Variants in TTC28 observed in about 807,000 individuals in gnomAD.
TTC28 encodes tetratricopeptide repeat protein 28.
A neutral mutation model predicts 198.0 loss-of-function variants in TTC28; 61 were observed. That is an observed-to-expected ratio of 0.31 (90% CI 0.25 to 0.38). The LOEUF is 0.38. TTC28 is among the 10% of genes least tolerant of loss of function. The pLI is 1.00. For synonymous variants in TTC28, 1,171 were observed against 1,297.8 expected (o/e 0.90, Z 2.10); for missense variants, 2,678 against 3,164.0 (o/e 0.85, Z 3.69).
chr22:28,156,135 C>T lies in TTC28; in HGVS notation c.1441+6957G>A, dbSNP rs913071942. ...AATAATGACATCCCCTGCAATGTGT[C>T]TATGTCCTAATCTCCAGAACCTGTG... On this transcript the variant is annotated intron_variant, in intron 6 of 22. Coordinates refer to ENST00000397906, the MANE Select transcript of TTC28 (RefSeq NM_001145418.2). Among the ~76,000 whole-genome samples, 8 of 152,212 alleles carry T rather than the reference C, an allele frequency of 5.3e-5. No homozygotes were observed. The East Asian group carries it at 1.5e-3, about 29-fold the overall frequency.
intron 2 of TTC28, among the ~76,000 whole-genome samples, chr22:28,365,885 T>TA (rs910139307): frequency 1.3e-5 from 2 of 152,116 alleles, no homozygotes; most frequent in Admixed American, 6.6e-5. Flanking sequence ...ATAGGAATTT[T>TA]AAAAAAATGA....
At chr22:28,013,595 A>C (rs1037878667) in intron 14 of TTC28, among the ~76,000 whole-genome samples, 2 of 152,202 alleles carry the variant, frequency 1.3e-5, no homozygotes, top group African/African-American at 4.8e-5. Flanking sequence ...TGATTCTCTG[A>C]GACTCCATCT....
At chr22:28,272,712 G>A (rs913286085) in intron 5 of TTC28, among the ~76,000 whole-genome samples, 2 of 152,202 alleles carry the variant, frequency 1.3e-5, no homozygotes, top group African/African-American at 4.8e-5. Context: ...TATTTGGGAT[G>A]GAAGGGACCA....
chr22:28,552,077 A>C (rs1325496025), intron 2 of TTC28, among the ~76,000 whole-genome samples: 1 of 152,182 alleles, frequency 6.6e-6, no homozygotes, highest in Non-Finnish European at 1.5e-5. Flanking sequence ...TCTGCTATAC[A>C]CCAATAGCAA....
At chr22:28,343,821 A>T (rs2045868843) in intron 2 of TTC28, among the ~76,000 whole-genome samples, 1 of 152,238 alleles carries the variant, frequency 6.6e-6, no homozygotes. Flanking sequence ...CCTATTTTTT[A>T]AAATTACATG....
chr22:28,449,449 T>C (rs909821095), intron 2 of TTC28, among the ~76,000 whole-genome samples: 2 of 152,258 alleles, frequency 1.3e-5, no homozygotes, highest in African/African-American at 2.4e-5. Flanking sequence ...TAACATTTTT[T>C]ATTTCATTCA....
chr22:28,271,243 T>G (rs1413073386), intron 5 of TTC28, among the ~76,000 whole-genome samples: 1 of 151,814 alleles, frequency 6.6e-6, no homozygotes, highest in East Asian at 1.9e-4. Context: ...AGCAAGACAA[T>G]ATTCCTTGGG....
At chr22:28,315,899 T>A (rs147857111) in intron 2 of TTC28, among the ~76,000 whole-genome samples, 250 of 152,208 alleles carry the variant, frequency 1.6e-3, no homozygotes, top group African/African-American at 5.5e-3. Context: ...GTTTCATAAG[T>A]GAAAGAAGAA....
At chr22:28,176,847 A>C (rs1180767557) in intron 5 of TTC28, among the ~76,000 whole-genome samples, 1 of 152,314 alleles carries the variant, frequency 6.6e-6, no homozygotes, top group Middle Eastern at 3.4e-3. Flanking sequence ...ACTAGACATC[A>C]CATACAAAAA....
At chr22:28,389,790 C>A (rs887739445) in intron 2 of TTC28, among the ~76,000 whole-genome samples, 25 of 149,548 alleles carry the variant, frequency 1.7e-4, no homozygotes, top group African/African-American at 5.4e-4. Flanking sequence ...TTTCAAAAAA[C>A]CAGCTCCTGG....
intron 2 of TTC28, among the ~76,000 whole-genome samples, chr22:28,464,683 G>A (rs980453223): frequency 1.3e-5 from 2 of 151,950 alleles, no homozygotes; most frequent in Non-Finnish European, 1.5e-5. Flanking sequence ...CCTCTTTCTC[G>A]CTCAGTATCA....
intron 5 of TTC28, among the ~76,000 whole-genome samples, chr22:28,209,416 GA>G (rs1355515731): frequency 1.3e-5 from 2 of 152,170 alleles, no homozygotes; most frequent in Non-Finnish European, 1.5e-5. Context: ...ACCGTACCTG[GA>G]AAATCGGGAC....
intron 12 of TTC28, among the ~76,000 whole-genome samples, chr22:28,055,519 A>T (rs1429379785): frequency 2.6e-5 from 4 of 152,198 alleles, no homozygotes; most frequent in African/African-American, 9.7e-5. Context: ...GAAAAGAAGA[A>T]AAATAGACCT....
At chr22:28,049,740 T>C (rs770329992) in intron 12 of TTC28, among the ~76,000 whole-genome samples, 5 of 151,606 alleles carry the variant, frequency 3.3e-5, no homozygotes, top group Non-Finnish European at 5.9e-5. Context: ...ACAAGATGAG[T>C]GTGTGTGAGG....
At chr22:28,032,220 A>AATAT (rs1325705476) in intron 12 of TTC28, among the ~76,000 whole-genome samples, 9 of 107,334 alleles carry the variant, frequency 8.4e-5, no homozygotes, top group African/African-American at 3.3e-4. Flanking sequence ...ATATATATAA[A>AATAT]ATATATATAT....
chr22:28,673,188 C>A (rs1042381090), intron 1 of TTC28, among the ~76,000 whole-genome samples: 1 of 152,108 alleles, frequency 6.6e-6, no homozygotes, highest in Admixed American at 6.6e-5. Context: ...TCCTGGCTAA[C>A]ATGGTGAAAC....
chr22:28,441,652 C>T (rs1272216213), intron 2 of TTC28, among the ~76,000 whole-genome samples: 30 of 152,170 alleles, frequency 2.0e-4, no homozygotes, highest in Non-Finnish European at 2.6e-4. Context: ...AAAACAAATG[C>T]ACAATATCTT....
intron 14 of TTC28, among the ~76,000 whole-genome samples, chr22:28,003,095 GAC>G (rs1937780650): frequency 6.6e-6 from 1 of 152,136 alleles, no homozygotes; most frequent in African/African-American, 2.4e-5. Context: ...CAGTGACCCC[GAC>G]ACTGTCTATG....
At chr22:28,401,189 G>A (rs967036558) in intron 2 of TTC28, among the ~76,000 whole-genome samples, 2 of 147,586 alleles carry the variant, frequency 1.4e-5, no homozygotes, top group African/African-American at 2.6e-5. Context: ...GGAAAAGGAG[G>A]GGGGGAGGAG....
Sources: gnomAD v4.1 joint callset for allele counts (sites outside exome capture counted in the v4.1 genomes callset) on GRCh38, gnomAD v4.1.1 for gene constraint, MANE v1.5 for transcripts, NCBI Gene and HGNC (gene_info 2026-07-23, HGNC 2026-07-21) for gene names.